The following GALNT17 variants were observed in gnomAD, a reference collection of about 807,000 sequenced individuals.
The protein encoded by GALNT17 is polypeptide N-acetylgalactosaminyltransferase 17.
GALNT17 carries 29 observed loss-of-function variants against 63.7 expected under a neutral mutation model. The ratio of observed to expected loss-of-function variants is 0.46; its 90% CI spans 0.34 to 0.62. The LOEUF is 0.62. GALNT17 is among the 20% of genes least tolerant of loss of function. The probability of loss-of-function intolerance (pLI) is 0.01; values close to 1 mark genes in which losing one functional copy is unlikely to be tolerated. For missense variants in GALNT17, 603 were observed against 799.6 expected, an observed-to-expected ratio of 0.75 and a Z score of 2.97; for synonymous variants, 305 against 318.3, an observed-to-expected ratio of 0.96 and a Z score of 0.45.
At chr7:71,318,899 C>T (rs1184271120) in intron 1 of GALNT17, among the ~76,000 whole-genome samples, 1 of 152,094 alleles carries the variant, frequency 6.6e-6, no homozygotes, top group Non-Finnish European at 1.5e-5. Flanking sequence ...TCCAAGCGCT[C>T]CAGCGGTCTT....
intron 1 of GALNT17, among the ~76,000 whole-genome samples, chr7:71,180,674 A>T (rs1788718950): frequency 6.6e-6 from 1 of 152,154 alleles, no homozygotes; most frequent in Non-Finnish European, 1.5e-5. Context: ...ACACCTGGGG[A>T]GATGGATACG....
At chr7:71,603,879 C>T (rs1050500053) in intron 6 of GALNT17, among the ~76,000 whole-genome samples, 1 of 150,482 alleles carries the variant, frequency 6.6e-6, no homozygotes, top group Non-Finnish European at 1.5e-5. Flanking sequence ...AGTGCATACA[C>T]CAGGTACTGT....
intron 1 of GALNT17, among the ~76,000 whole-genome samples, chr7:71,163,660 A>G (rs1408622159): frequency 2.0e-5 from 3 of 152,164 alleles, no homozygotes; most frequent in African/African-American, 7.2e-5. Flanking sequence ...ATGAAGAGAG[A>G]ATGTGCTGTC....
chr7:71,238,014 A>G (rs1244504625), intron 1 of GALNT17, among the ~76,000 whole-genome samples: 1 of 152,172 alleles, frequency 6.6e-6, no homozygotes, highest in Admixed American at 6.5e-5. Flanking sequence ...TATTGAGAGA[A>G]GCTGTGCTTA....
intron 1 of GALNT17, among the ~76,000 whole-genome samples, chr7:71,223,026 T>C (rs992986954): frequency 6.6e-6 from 1 of 152,130 alleles, no homozygotes; most frequent in African/African-American, 2.4e-5. Flanking sequence ...TGAGCTTTGG[T>C]CACACCACTG....
intron 1 of GALNT17, among the ~76,000 whole-genome samples, chr7:71,195,743 C>G (rs1789036446): frequency 6.6e-6 from 1 of 152,002 alleles, no homozygotes; most frequent in African/African-American, 2.4e-5. Context: ...GAGATAGAGT[C>G]TTGCTGTGTT....
At chr7:71,672,170 C>G (rs1212378161) in intron 8 of GALNT17, among the ~76,000 whole-genome samples, 1 of 151,922 alleles carries the variant, frequency 6.6e-6, no homozygotes, top group Non-Finnish European at 1.5e-5. Context: ...AAGGAAGAAT[C>G]AAACAATGGG....
At chr7:71,640,457 G>T (rs1248000292) in intron 6 of GALNT17, among the ~76,000 whole-genome samples, 1 of 152,034 alleles carries the variant, frequency 6.6e-6, no homozygotes, top group African/African-American at 2.4e-5. Context: ...ACATGTTGAT[G>T]TTTCCCTAAT....
At chr7:71,181,893 A>G (rs796563165) in intron 1 of GALNT17, among the ~76,000 whole-genome samples, 14 of 141,234 alleles carry the variant, frequency 9.9e-5, no homozygotes, top group African/African-American at 3.5e-4. Context: ...GGAAAAAAAA[A>G]AGGCTGGCGC....
chr7:71,282,666 G>A (rs922073023), intron 1 of GALNT17, among the ~76,000 whole-genome samples: 12 of 146,320 alleles, frequency 8.2e-5, no homozygotes, highest in African/African-American at 2.7e-4. Context: ...TGAGTCCTAT[G>A]GACTCAGGAC....
intron 5 of GALNT17, among the ~76,000 whole-genome samples, chr7:71,557,956 GT>G (rs775412913): frequency 6.6e-6 from 1 of 151,044 alleles, no homozygotes; most frequent in Non-Finnish European, 1.5e-5. Context: ...TGCCTGTAAT[GT>G]CAGCCACTCA....
At chr7:71,461,965 A>T (rs1787458432) in intron 5 of GALNT17, among the ~76,000 whole-genome samples, 1 of 152,210 alleles carries the variant, frequency 6.6e-6, no homozygotes, top group African/African-American at 2.4e-5. Flanking sequence ...TAATTGGCTC[A>T]GTGTCCAGCA....
chr7:71,272,812 A>T (rs534632826), intron 1 of GALNT17, among the ~76,000 whole-genome samples: 2 of 152,254 alleles, frequency 1.3e-5, no homozygotes, highest in Admixed American at 6.5e-5. Context: ...TTCTTCTCTG[A>T]TACTTACTGC....
At chr7:71,333,748 C>T (rs1039530182) in intron 1 of GALNT17, among the ~76,000 whole-genome samples, 4 of 152,144 alleles carry the variant, frequency 2.6e-5, no homozygotes, top group African/African-American at 9.7e-5. Context: ...ACCTCAGCCT[C>T]CCAAAGTGCT....
intron 5 of GALNT17, among the ~76,000 whole-genome samples, chr7:71,452,111 C>T (rs765571550): frequency 6.6e-5 from 10 of 151,968 alleles, no homozygotes; most frequent in African/African-American, 1.7e-4. Flanking sequence ...ATAAATAGGG[C>T]GCACACCTGT....
At chr7:71,329,723 T>C (rs1471306399) in intron 1 of GALNT17, among the ~76,000 whole-genome samples, 1 of 151,984 alleles carries the variant, frequency 6.6e-6, no homozygotes, top group Non-Finnish European at 1.5e-5. Flanking sequence ...GAACTCACTC[T>C]ATCACAAGAA....
At chr7:71,604,555 T>G (rs1372299602) in intron 6 of GALNT17, among the ~76,000 whole-genome samples, 1 of 152,236 alleles carries the variant, frequency 6.6e-6, no homozygotes, top group Admixed American at 6.5e-5. Context: ...TGAGTCATGG[T>G]GCTTGCAACA....
At chr7:71,277,209 C>T (rs1182972188) in intron 1 of GALNT17, among the ~76,000 whole-genome samples, 4 of 151,910 alleles carry the variant, frequency 2.6e-5, no homozygotes, top group Non-Finnish European at 4.4e-5. Context: ...GAGCTGGAGA[C>T]TGTTGTCCTA....
intron 1 of GALNT17, among the ~76,000 whole-genome samples, chr7:71,268,969 G>C (rs758258121): frequency 3.3e-5 from 5 of 152,208 alleles, no homozygotes; most frequent in African/African-American, 4.8e-5. Flanking sequence ...GGCTGCAGAG[G>C]GGATCTGGCA....
Sources: allele counts gnomAD v4.1 joint callset (sites outside exome capture counted in the v4.1 genomes callset), GRCh38; gene constraint gnomAD v4.1.1; transcripts MANE v1.5; gene names NCBI Gene and HGNC (gene_info 2026-07-23, HGNC 2026-07-21).